Variants in CNPY2 observed in about 807,000 individuals in gnomAD.
CNPY2 encodes the protein protein canopy homolog 2.
In CNPY2, 19 loss-of-function variants were observed where a neutral mutation model predicts 25.5. That is an observed-to-expected ratio of 0.74 (90% CI 0.52 to 1.09). CNPY2 has a LOEUF of 1.09. Among genes scored for constraint, CNPY2 ranks in the 50% least tolerant of loss-of-function variants. The probability of loss-of-function intolerance (pLI) is 0.00; values close to 1 mark genes in which losing one functional copy is unlikely to be tolerated. For missense variants in CNPY2, 214 were observed against 233.6 expected (o/e 0.92, Z 0.55); for synonymous variants, 82 against 85.0 (o/e 0.96, Z 0.19).
Position 56,310,505 on chromosome 12 carries a change from C to T in CNPY2, c.*47G>A, listed in dbSNP as rs1308596630. On this transcript the variant is annotated 3_prime_UTR_variant, in exon 6 of 6. Transcript: ENST00000273308. Reference sequence around the variant, plus strand: ...TATAAAAGGCATTGCCACCATTTTCCCCTCCTGGGGGTGATCCATCAAGCC... The same window carrying T: ...TATAAAAGGCATTGCCACCATTTTCTCCTCCTGGGGGTGATCCATCAAGCC... The T allele has an allele frequency of 5.6e-6, 9 of 1,598,420 alleles. No individual in the cohort carries two copies. The highest frequency in any genetic ancestry group is 6.9e-6 in the Non-Finnish European group (8 of 1,166,362).
chr12:56,314,058 C>T (rs1288370967), intron 3 of CNPY2, among the ~76,000 whole-genome samples: 6 of 152,072 alleles, frequency 3.9e-5, no homozygotes, highest in African/African-American at 1.2e-4. Flanking sequence ...TGAGCCACCA[C>T]GCCTGGCTAC....
Position 56,314,831 on chromosome 12 carries a change from G to A in CNPY2, c.204+20C>T. On this transcript the variant is annotated intron_variant, in intron 3 of 5. Coordinates refer to ENST00000273308, the MANE Select transcript of CNPY2 (RefSeq NM_014255.7). ...AAAGCCAGAGTGAGCTACTTTGTTT[G>A]GGGGAACAGTAACAGTTACCTCCAC... 3.1e-6 allele frequency: 5 copies of A among 1,614,128 alleles called. No homozygotes were observed. Among genetic ancestry groups the A allele is most frequent in the Non-Finnish European group, 3.4e-6 (4 of 1,180,026 alleles).
intron 1 of CNPY2, 51 bp from the exon 2 acceptor site, chr12:56,315,293 T>C (rs1366506298): frequency 9.0e-7 from 1 of 1,116,512 alleles, no homozygotes; most frequent in East Asian, 2.4e-5. Flanking sequence ...ACTCCATTTT[T>C]CCCTGACCCC....
chr12:56,311,644 T>G (rs1052122568), intron 3 of CNPY2: 111 of 495,314 alleles, frequency 2.2e-4, no homozygotes, highest in African/African-American at 8.2e-4. Context: ...CTCTGCCTCC[T>G]GGGTTCAAGT....
At chr12:56,311,594 C>G in intron 3 of CNPY2, 180 bp from the exon 4 acceptor site, 1 of 705,242 alleles carries the variant, frequency 1.4e-6, no homozygotes, top group Non-Finnish European at 2.5e-6. Flanking sequence ...TCTTGTTGCC[C>G]AGGCTGGAGT....
intron 5 of CNPY2, 80 bp downstream of exon 5, chr12:56,310,878 G>A: frequency 1.6e-6 from 2 of 1,286,002 alleles, no homozygotes; most frequent in Non-Finnish European, 2.2e-6. Context: ...AGGTTTCTGG[G>A]ATGGGGGTGT....
chr12:56,315,104 A>G, intron 2 of CNPY2, 26 bp downstream of exon 2: 4 of 1,611,014 alleles, frequency 2.5e-6, no homozygotes, highest in Non-Finnish European at 3.4e-6. Context: ...TGCTTCCTCC[A>G]CTTCTTTTTC....
intron 3 of CNPY2, 129 bp from the exon 4 acceptor site, chr12:56,311,543 T>G: frequency 1.0e-6 from 1 of 970,718 alleles, no homozygotes; most frequent in Non-Finnish European, 1.6e-6. Context: ...TGATTTTAAT[T>G]AGTTTTGTTT....
rs976077780 is a variant in CNPY2 at position 56,310,366 on chromosome 12, A to G, written c.*186T>C. 3 of 635,244 alleles carry G rather than the reference A, an allele frequency of 4.7e-6. No individual in the cohort carries two copies. In the African/African-American group the frequency reaches 5.5e-5, roughly 12 times the overall value. The allele number at this position is 635,244 out of a possible 1,614,324, so 39.4% of individuals were successfully genotyped here. ...TTCTCCTCCATTATCTTTCCTGTCT[A>G]TATAACTCCTTATCTTCAAGCTTAA... On this transcript the variant is annotated 3_prime_UTR_variant, in exon 6 of 6. Coordinates refer to ENST00000273308, the MANE Select transcript of CNPY2 (RefSeq NM_014255.7).
chr12:56,314,725 A>G, intron 3 of CNPY2, 126 bp downstream of exon 3: 1 of 1,540,846 alleles, frequency 6.5e-7, no homozygotes, highest in Non-Finnish European at 8.8e-7. Flanking sequence ...TCCAAATGAG[A>G]CAGAGCCAAA....
intron 5 of CNPY2, 77 bp from the exon 6 acceptor site, chr12:56,310,672 C>T (rs749976852): frequency 4.8e-6 from 7 of 1,462,660 alleles, no homozygotes; most frequent in Non-Finnish European, 4.8e-6. Flanking sequence ...ATTTCCCAGA[C>T]CAAGCTGACA....
Position 56,309,973 on chromosome 12 carries a change from C to A in CNPY2, c.*579G>T, listed in dbSNP as rs771288289. On this transcript the variant is annotated 3_prime_UTR_variant, in exon 6 of 6. Transcript: ENST00000273308. Reference sequence around the variant, plus strand: ...ATCCGATAAAGCCCTTACTTTTCAGCTGAGTTGGTCACATCCATTTTCCCC... The same window carrying A: ...ATCCGATAAAGCCCTTACTTTTCAGATGAGTTGGTCACATCCATTTTCCCC... The A allele has an allele frequency of 1.3e-5, 9 of 702,258 alleles. No individual in the cohort carries two copies. Among genetic ancestry groups the A allele is most frequent in the Admixed American group, 2.0e-5 (1 of 49,978 alleles). The allele number at this position is 702,258 out of a possible 1,614,324, so 43.5% of individuals were successfully genotyped here.
intron 5 of CNPY2, 151 bp from the exon 6 acceptor site, chr12:56,310,746 T>C (rs1325955095): frequency 2.3e-6 from 2 of 886,784 alleles, no homozygotes; most frequent in Non-Finnish European, 3.6e-6. Context: ...ATCCCCACTG[T>C]CCTCTCACCT....
At chr12:56,314,061 C>T (rs1268641777) in intron 3 of CNPY2, among the ~76,000 whole-genome samples, 1 of 152,120 alleles carries the variant, frequency 6.6e-6, no homozygotes, top group East Asian at 1.9e-4. Context: ...GCCACCACGC[C>T]TGGCTACTTT....
Position 56,312,640 on chromosome 12 carries a change from C to T in CNPY2, c.205-1226G>A, listed in dbSNP as rs185396141. On this transcript the variant is annotated intron_variant, in intron 3 of 5. Coordinates refer to ENST00000273308, the MANE Select transcript of CNPY2 (RefSeq NM_014255.7). ...AGGCTGGAGTGCAATGGCGCGATCTCGGCTCACCGCAAGCTCCACCTCCCG... is the reference window on the plus strand; with the variant it reads ...AGGCTGGAGTGCAATGGCGCGATCTTGGCTCACCGCAAGCTCCACCTCCCG... 6.2e-3 allele frequency: 938 copies of T among 150,972 alleles called. 9 individuals are homozygous for T. Among genetic ancestry groups the T allele is most frequent in the Middle Eastern group, 0.01 (3 of 298 alleles). 9.4% of individuals were successfully genotyped at this position (150,972 alleles called of 1,614,324 possible).
rs1592420117 is a variant in CNPY2, at chr12:56,309,847, T to C, written c.*705A>G. 1.4e-6 allele frequency: 1 copy of C among 699,334 alleles called. No homozygotes were observed. Among genetic ancestry groups the C allele is most frequent in the Non-Finnish European group, 2.6e-6 (1 of 383,448 alleles). The allele number at this position is 699,334 out of a possible 1,614,324, so 43.3% of individuals were successfully genotyped here. A position where few individuals can be genotyped will look rare whatever the true frequency, so the allele number is the denominator to read the frequency against. ...TATAGTCCAGATTGACAATGGCTAG[T>C]GATAGATACACTTTATTGTTGCCAC... On this transcript the variant is annotated 3_prime_UTR_variant, in exon 6 of 6. Transcript: ENST00000273308.
chr12:56,312,555 T>C (rs1219210237), intron 3 of CNPY2: 2 of 152,514 alleles, frequency 1.3e-5, no homozygotes, highest in African/African-American at 2.4e-5. Flanking sequence ...TTTTACCTCA[T>C]TGTACAATTC....
At position 56,310,061 on chromosome 12, in the gene CNPY2, AT is replaced by A. The variant is rs1156444188; in HGVS notation, c.*490del. ...GGGCAGGGAAGGAAGAATAATGCAT[AT>A]CCGTTATTTCCTTCAAGACCAAGCC... On this transcript the variant is annotated 3_prime_UTR_variant, in exon 6 of 6. Transcript: ENST00000273308. The A allele has an allele frequency of 4.3e-6, 3 of 692,062 alleles. No homozygotes were observed. In the Admixed American group the frequency reaches 6.3e-5, roughly 14 times the overall value. 42.9% of individuals were successfully genotyped at this position (692,062 alleles called of 1,614,324 possible).
upstream of CNPY2, chr12:56,316,088 C>T (rs1873937164): frequency 6.5e-6 from 1 of 152,724 alleles, no homozygotes; most frequent in Non-Finnish European, 1.5e-5. Flanking sequence ...CCCCTCCAAA[C>T]TCTCGCGCGA....
Sources: gnomAD v4.1 joint callset for allele counts (sites outside exome capture counted in the v4.1 genomes callset) on GRCh38, gnomAD v4.1.1 for gene constraint, MANE v1.5 for transcripts, NCBI Gene and HGNC (gene_info 2026-07-23, HGNC 2026-07-21) for gene names.